Variants in LMCD1 observed in about 807,000 individuals in gnomAD.
LMCD1 encodes the protein LIM and cysteine rich domains 1, also known as LIM and cysteine-rich domains protein 1.
A neutral mutation model predicts 42.7 loss-of-function variants in LMCD1; 32 were observed. The ratio of observed to expected loss-of-function variants is 0.75; its 90% CI spans 0.57 to 1.01. LMCD1 has a LOEUF of 1.01. LMCD1 is among the 50% of genes least tolerant of loss of function. The probability of loss-of-function intolerance (pLI) is 0.00; values close to 1 mark genes in which losing one functional copy is unlikely to be tolerated. For synonymous variants in LMCD1, 178 were observed against 184.9 expected (o/e 0.96, Z 0.30); for missense variants, 458 against 483.1 (o/e 0.95, Z 0.49).
intron 1 of LMCD1, among the ~76,000 whole-genome samples, chr3:8,505,955 T>G (rs1356543743): frequency 6.6e-6 from 1 of 152,250 alleles, no homozygotes; most frequent in Non-Finnish European, 1.5e-5. Flanking sequence ...AAGACCTTAA[T>G]AGCCAAGACA....
intron 3 of LMCD1, 64 bp from the exon 4 acceptor site, chr3:8,548,504 T>A (rs1362639165): frequency 2.6e-6 from 3 of 1,168,076 alleles, no homozygotes; most frequent in African/African-American, 1.5e-5. Flanking sequence ...GATTCTGTCA[T>A]AGTTTCTTTG....
At position 8,567,449 on chromosome 3, in the gene LMCD1, G is replaced by T. The variant is rs762826592; in HGVS notation, c.949G>T (p.Ala317Ser). ...CTGCTCCCCTCCCCAGATAATATTC[G>T]CTGAGGACTACCAGCGTGTGGAAGA... ...RCSGCDEIIFAEDYQRVEDLA... is the reference protein window; with the variant it reads ...RCSGCDEIIFSEDYQRVEDLA... The change falls in exon 6 of 6, where the codon GCT (alanine) becomes TCT (serine). Residue 317 changes from alanine to serine, a missense_variant. Ala to Ser is a moderately conservative substitution (Grantham distance 99, BLOSUM62 1). Transcript: ENST00000157600. 53 of 1,613,540 alleles carry T rather than the reference G, an allele frequency of 3.3e-5. 1 individual carries two copies. In the Admixed American group the frequency reaches 8.0e-4, roughly 24 times the overall value.
At chr3:8,563,776 C>T (rs891604259) in intron 4 of LMCD1, among the ~76,000 whole-genome samples, 2 of 152,176 alleles carry the variant, frequency 1.3e-5, no homozygotes, top group African/African-American at 4.8e-5. Context: ...CAAACACTGC[C>T]TCCACCAGAA....
Position 8,569,734 on chromosome 3 carries a change from G to A in LMCD1, c.*2136G>A, listed in dbSNP as rs1231778998. Reference sequence around the variant, plus strand: ...AGCCTTGCCAGGCATAGTGGCTCAGGCCTGTATTCTCAGCACTTTGGGAGG... The same window carrying A: ...AGCCTTGCCAGGCATAGTGGCTCAGACCTGTATTCTCAGCACTTTGGGAGG... On this transcript the variant is annotated 3_prime_UTR_variant, in exon 6 of 6. Coordinates refer to ENST00000157600, the MANE Select transcript of LMCD1 (RefSeq NM_014583.4). The A allele has an allele frequency of 1.3e-5, 2 of 152,230 alleles. No homozygotes were observed. Among genetic ancestry groups the A allele is most frequent in the Non-Finnish European group, 2.9e-5 (2 of 68,122 alleles). 9.4% of individuals were successfully genotyped at this position (152,230 alleles called of 1,614,324 possible). A position where few individuals can be genotyped will look rare whatever the true frequency, so the allele number is the denominator to read the frequency against.
chr3:8,515,124 G>A (rs1694074768), intron 1 of LMCD1: 1 of 424,748 alleles, frequency 2.4e-6, no homozygotes, highest in South Asian at 1.8e-5. Flanking sequence ...TCCTGCTGCA[G>A]CCCCCTGGAG....
At chr3:8,514,411 G>A (rs1694061495) in intron 1 of LMCD1, among the ~76,000 whole-genome samples, 1 of 152,156 alleles carries the variant, frequency 6.6e-6, no homozygotes, top group Non-Finnish European at 1.5e-5. Flanking sequence ...CATTGCCAGG[G>A]AGAATATAAA....
At position 8,548,763 on chromosome 3, in the gene LMCD1, G is replaced by C; in HGVS notation, c.583G>C (p.Gly195Arg). 1 of 1,613,240 alleles carries C rather than the reference G, an allele frequency of 6.2e-7. No homozygotes were observed. Among genetic ancestry groups the C allele is most frequent in the Non-Finnish European group, 8.5e-7 (1 of 1,179,244 alleles). ...CAAGCAATATAAGAGCGAGGCCCTC[G>C]GCGTGGGAGAAGTGGCCCTCCCGGG... ...FVKQYKSEAL[G>R]VGEVALPGQG... Residue 195 changes from glycine (G) to arginine (R), a missense_variant, in exon 4 of 6, where the codon GGC becomes CGC. Physicochemically the swap from Gly to Arg is moderately radical, Grantham distance 125. Transcript: ENST00000157600.
chr3:8,502,296 T>A (rs370253742), intron 1 of LMCD1, among the ~76,000 whole-genome samples: 1 of 14,270 alleles, frequency 7.0e-5, no homozygotes, highest in Non-Finnish European at 1.2e-4. Context: ...ATAATATATA[T>A]TATATATAAT....
In LMCD1 at chr3:8,537,346, G is replaced by A. The variant is rs201053632; in HGVS notation, c.293G>A (p.Arg98Gln). The part of the protein sequence containing the change: ...GDGIRIYKRN[R>Q]MIMTNPIATG... ...GGCATCCGGATTTACAAGAGGAACC[G>A]GATGATCATGACCAACCCTATTGCT... The change falls in exon 3 of 6, where the codon CGG (arginine) becomes CAG (glutamine). Residue 98 changes from arginine to glutamine, a missense_variant. Transcript: ENST00000157600. The A allele has an allele frequency of 8.7e-4, 1,406 of 1,614,146 alleles. 12 individuals carry two copies. The highest frequency in any genetic ancestry group is 1.7e-4 in the Middle Eastern group (1 of 6,060).
intron 1 of LMCD1, among the ~76,000 whole-genome samples, chr3:8,519,028 G>A (rs1210431340): frequency 6.6e-6 from 1 of 152,158 alleles, no homozygotes; most frequent in Non-Finnish European, 1.5e-5. Context: ...ATAGATGAAG[G>A]TGTTTTATAT....
intron 2 of LMCD1, among the ~76,000 whole-genome samples, 164 bp from the exon 3 acceptor site, chr3:8,537,021 C>T (rs1041275620): frequency 2.6e-5 from 4 of 152,194 alleles, no homozygotes; most frequent in Non-Finnish European, 5.9e-5. Context: ...AAATGCAGTT[C>T]CCAATTCCAA....
intron 3 of LMCD1, among the ~76,000 whole-genome samples, chr3:8,543,974 A>C (rs1694684713): frequency 6.6e-6 from 1 of 152,224 alleles, no homozygotes. Context: ...CAGTCTCCTA[A>C]GACGGGGTCA....
chr3:8,546,302 T>C (rs1694733880), intron 3 of LMCD1, among the ~76,000 whole-genome samples: 2 of 152,146 alleles, frequency 1.3e-5, no homozygotes, highest in Admixed American at 1.3e-4. Flanking sequence ...AATATCATAA[T>C]GTTTTAAGAA....
intron 1 of LMCD1, among the ~76,000 whole-genome samples, chr3:8,526,832 G>A (rs780541130): frequency 2.0e-4 from 31 of 152,148 alleles, no homozygotes; most frequent in Non-Finnish European, 4.0e-4. Flanking sequence ...AGCTACTATT[G>A]TTACTTTTGA....
rs1473180598 is a variant in LMCD1, at chr3:8,537,235, C to G, written c.182C>G (p.Ser61Cys). The G allele has an allele frequency of 1.2e-6, 2 of 1,614,060 alleles. No individual in the cohort carries two copies. The highest frequency in any genetic ancestry group is 1.7e-6 in the Non-Finnish European group (2 of 1,180,036). The change falls in exon 3 of 6, where the codon TCT (serine) becomes TGT (cysteine). Residue 61 changes from serine to cysteine, a missense_variant. By Grantham distance (112) the Ser-to-Cys change is moderately radical (BLOSUM62 -1). Transcript: ENST00000157600. Reference sequence around the variant, plus strand: ...AGCCAAGAGGACCACTGCCTAACATCTGACCTAGAAGACGATCGGAAAATT... The same window carrying G: ...AGCCAAGAGGACCACTGCCTAACATGTGACCTAGAAGACGATCGGAAAATT... ...KCSQEDHCLT[S>C]DLEDDRKIGR...
intron 1 of LMCD1, among the ~76,000 whole-genome samples, chr3:8,525,310 A>C (rs939778006): frequency 3.9e-5 from 6 of 152,046 alleles, no homozygotes; most frequent in Non-Finnish European, 8.8e-5. Flanking sequence ...TGCCTGACTT[A>C]TTTCACGTAG....
chr3:8,503,572 C>A (rs1039349228), intron 1 of LMCD1, among the ~76,000 whole-genome samples: 1 of 152,210 alleles, frequency 6.6e-6, no homozygotes, highest in African/African-American at 2.4e-5. Flanking sequence ...TCCTTGAGGG[C>A]AAACCTGTCT....
chr3:8,555,387 C>T (rs1461392587), intron 4 of LMCD1, among the ~76,000 whole-genome samples: 2 of 152,144 alleles, frequency 1.3e-5, no homozygotes, highest in Non-Finnish European at 2.9e-5. Flanking sequence ...AACTGCCACT[C>T]CTCCCCACTT....
intron 1 of LMCD1, among the ~76,000 whole-genome samples, 198 bp from the exon 2 acceptor site, chr3:8,532,539 T>G (rs1694431741): frequency 6.6e-6 from 1 of 152,130 alleles, no homozygotes; most frequent in South Asian, 2.1e-4. Flanking sequence ...CTTCCACAAT[T>G]GCCTACCCTC....
Sources: allele counts gnomAD v4.1 joint callset (sites outside exome capture counted in the v4.1 genomes callset), GRCh38; gene constraint gnomAD v4.1.1; transcripts MANE v1.5; gene names NCBI Gene and HGNC (gene_info 2026-07-23, HGNC 2026-07-21).